ERCC8: variants seen among roughly 807,000 people sequenced by gnomAD.
ERCC8 encodes the protein ERCC excision repair 8, CSA ubiquitin ligase complex subunit, also known as DNA excision repair protein ERCC-8.
Under a neutral mutation model 54.9 loss-of-function variants are expected in ERCC8, and 52 were observed. That is an observed-to-expected ratio of 0.95 (90% CI 0.76 to 1.19). The LOEUF is 1.19. Ranked by LOEUF, ERCC8 falls within the 50% of genes most tolerant of loss-of-function variation. The pLI, the probability that ERCC8 is intolerant of heterozygous loss-of-function variation, is 0.00. For synonymous variants in ERCC8, 146 were observed against 157.2 expected (o/e 0.93, Z 0.53); for missense variants, 514 against 466.1 (o/e 1.10, Z -0.95).
chr5:60,935,527 T>C (rs1177515772), intron 1 of ERCC8, among the ~76,000 whole-genome samples: 1 of 152,194 alleles, frequency 6.6e-6, no homozygotes, highest in East Asian at 1.9e-4. Context: ...GTGTCCTTGA[T>C]TTCTTTCTCT....
intron 5 of ERCC8, among the ~76,000 whole-genome samples, 197 bp from the exon 6 acceptor site, chr5:60,903,913 G>C (rs138433866): frequency 1.2e-4 from 19 of 152,124 alleles, no homozygotes; most frequent in African/African-American, 4.6e-4. Flanking sequence ...TTAGTAGTAA[G>C]AGACCTCTAT....
intron 4 of ERCC8, among the ~76,000 whole-genome samples, chr5:60,910,636 T>C (rs1051132434): frequency 3.9e-5 from 6 of 152,216 alleles, no homozygotes; most frequent in Non-Finnish European, 8.8e-5. Flanking sequence ...TGATGATTTT[T>C]GATGCTATGG....
chr5:60,935,747 T>A (rs766733295), intron 1 of ERCC8, among the ~76,000 whole-genome samples: 2 of 151,788 alleles, frequency 1.3e-5, no homozygotes, highest in African/African-American at 2.4e-5. Context: ...TTAATCATAA[T>A]GGGATGCTGG....
At chr5:60,920,948 G>C (rs1326935824) in intron 3 of ERCC8, among the ~76,000 whole-genome samples, 5 of 151,740 alleles carry the variant, frequency 3.3e-5, no homozygotes, top group Admixed American at 2.0e-4. Context: ...TGTTATTGAG[G>C]GTGGGAAGAG....
intron 5 of ERCC8, among the ~76,000 whole-genome samples, 156 bp downstream of exon 5, chr5:60,904,628 GTGTGTGTA>G (rs56831295): frequency 0.025 from 1,649 of 67,276 alleles, 10 homozygotes; most frequent in Non-Finnish European, 0.035. Context: ...TATAGTGTGT[GTGTGTGTA>G]TATATATATA....
intron 4 of ERCC8, among the ~76,000 whole-genome samples, chr5:60,916,718 A>G (rs1480210899): frequency 6.6e-6 from 1 of 152,086 alleles, no homozygotes; most frequent in African/African-American, 2.4e-5. Context: ...TATTAGAAGT[A>G]TATTAAATTT....
At chr5:60,905,227 G>C (rs1749036840) in intron 4 of ERCC8, among the ~76,000 whole-genome samples, 1 of 152,156 alleles carries the variant, frequency 6.6e-6, no homozygotes. Flanking sequence ...TATAACCTGA[G>C]CTACCACACC....
At chr5:60,934,423 G>A (rs1402284522) in intron 1 of ERCC8, among the ~76,000 whole-genome samples, 1 of 151,902 alleles carries the variant, frequency 6.6e-6, no homozygotes, top group Non-Finnish European at 1.5e-5. Flanking sequence ...CTTTTTGTTG[G>A]GATTGTTTAT....
intron 1 of ERCC8, among the ~76,000 whole-genome samples, chr5:60,944,208 A>C (rs1483236106): frequency 6.6e-6 from 1 of 152,138 alleles, no homozygotes; most frequent in Non-Finnish European, 1.5e-5. Flanking sequence ...TCTATTTCTC[A>C]GACGTTGTTC....
chr5:60,926,156 A>T (rs1353263311), intron 2 of ERCC8, among the ~76,000 whole-genome samples: 10 of 152,110 alleles, frequency 6.6e-5, no homozygotes, highest in Admixed American at 6.6e-4. Context: ...CCCAAACTAC[A>T]GTTTTTGGCA....
At chr5:60,877,131 T>A (rs1748036043) in intron 11 of ERCC8, among the ~76,000 whole-genome samples, 1 of 152,222 alleles carries the variant, frequency 6.6e-6, no homozygotes, top group African/African-American at 2.4e-5. Context: ...ATTTACTAAA[T>A]AGGGAATCCT....
chr5:60,927,584 A>T (rs1280391047), intron 2 of ERCC8, among the ~76,000 whole-genome samples: 1 of 152,216 alleles, frequency 6.6e-6, no homozygotes, highest in African/African-American at 2.4e-5. Context: ...GCCAACTGGT[A>T]GTCTACTGGC....
intron 1 of ERCC8, among the ~76,000 whole-genome samples, chr5:60,937,027 T>C (rs907048988): frequency 1.3e-5 from 2 of 152,216 alleles, no homozygotes; most frequent in Admixed American, 6.5e-5. Flanking sequence ...AGAGCCAAAC[T>C]GCAGTGATTG....
chr5:60,889,771 A>G (rs1009713865), intron 10 of ERCC8, among the ~76,000 whole-genome samples: 1 of 152,238 alleles, frequency 6.6e-6, no homozygotes, highest in East Asian at 1.9e-4. Context: ...ATACAAACAC[A>G]TGCTTTATCA....
At chr5:60,913,186 C>T (rs988618428) in intron 4 of ERCC8, among the ~76,000 whole-genome samples, 4 of 152,062 alleles carry the variant, frequency 2.6e-5, no homozygotes, top group Admixed American at 1.3e-4. Flanking sequence ...CCTCTTTGTA[C>T]CTCTGGTAGA....
chr5:60,915,197 C>T (rs1300843701), intron 4 of ERCC8: 2 of 151,996 alleles, frequency 1.3e-5, no homozygotes, highest in Non-Finnish European at 2.9e-5. Flanking sequence ...CGTAAAGGCA[C>T]CTAGGCCTGG....
At chr5:60,918,754 T>G (rs939383264) in intron 3 of ERCC8, 4 of 317,804 alleles carry the variant, frequency 1.3e-5, no homozygotes, top group Non-Finnish European at 2.4e-5. Flanking sequence ...TTTTCCAAAG[T>G]CTCATTCTAT....
intron 1 of ERCC8, among the ~76,000 whole-genome samples, chr5:60,944,727 A>ACCCCCC (rs576875901): frequency 9.6e-6 from 1 of 104,536 alleles, no homozygotes; most frequent in Non-Finnish European, 1.9e-5. Flanking sequence ...CCCCCGGGGA[A>ACCCCCC]CCCCCCCCAC....
intron 11 of ERCC8, among the ~76,000 whole-genome samples, chr5:60,881,846 C>T (rs1433779809): frequency 6.6e-6 from 1 of 152,204 alleles, no homozygotes; most frequent in Non-Finnish European, 1.5e-5. Context: ...GGCTCATGCT[C>T]AGTGCGCTGC....
Sources: allele counts gnomAD v4.1 joint callset (sites outside exome capture counted in the v4.1 genomes callset), GRCh38; gene constraint gnomAD v4.1.1; transcripts MANE v1.5; gene names NCBI Gene and HGNC (gene_info 2026-07-23, HGNC 2026-07-21).